Variants in TRABD2A observed in about 807,000 individuals in gnomAD.
TRABD2A encodes TraB domain containing 2A, also known as metalloprotease TIKI1.
In TRABD2A, 43 loss-of-function variants were observed where a neutral mutation model predicts 45.6. The observed-to-expected ratio is 0.94, with a 90% CI of 0.74 to 1.22. TRABD2A has a LOEUF of 1.22. Ranked by LOEUF, TRABD2A falls within the 50% of genes most tolerant of loss-of-function variation. The pLI, the probability that TRABD2A is intolerant of heterozygous loss-of-function variation, is 0.00. For missense variants in TRABD2A, 642 were observed against 652.4 expected, an observed-to-expected ratio of 0.98 and a Z score of 0.17; for synonymous variants, 269 against 265.0, an observed-to-expected ratio of 1.02 and a Z score of -0.15.
chr2:84,858,581 A>G (rs1682391831), intron 2 of TRABD2A, among the ~76,000 whole-genome samples: 1 of 152,212 alleles, frequency 6.6e-6, no homozygotes, highest in Non-Finnish European at 1.5e-5. Flanking sequence ...AACTGGGTTC[A>G]TGAGGATAGG....
At chr2:84,869,748 G>A (rs1682807394) in intron 2 of TRABD2A, among the ~76,000 whole-genome samples, 1 of 151,622 alleles carries the variant, frequency 6.6e-6, no homozygotes, top group Non-Finnish European at 1.5e-5. Context: ...GGGAGGCCGA[G>A]GCAGGCAGAT....
chr2:84,844,507 C>T (rs1681821301), intron 2 of TRABD2A, among the ~76,000 whole-genome samples: 2 of 152,152 alleles, frequency 1.3e-5, no homozygotes, highest in African/African-American at 4.8e-5. Flanking sequence ...AGTGTGAGAA[C>T]AGACTGGTAC....
At chr2:84,874,929 C>T (rs1399696786) in intron 1 of TRABD2A, 2 of 167,474 alleles carry the variant, frequency 1.2e-5, no homozygotes, top group Non-Finnish European at 2.6e-5. Flanking sequence ...TTGATGAGGT[C>T]GTCAACGTTG....
rs1214472252 is a variant in TRABD2A at position 84,845,187 on chromosome 2, C to A, written c.670-3180G>T. On this transcript the variant is annotated intron_variant, in intron 2 of 6. Coordinates refer to ENST00000409520, the MANE Select transcript of TRABD2A (RefSeq NM_001277053.2). ...CCAACATGGTAAAACCCTGTCTCTA[C>A]TAAAAATACAAAAATTAGCCAGGCA... 2.0e-5 allele frequency among the ~76,000 whole-genome samples: 3 copies of A among 152,220 alleles called. 1 individual carries two copies. Among genetic ancestry groups the A allele is most frequent in the Middle Eastern group, 3.4e-3 (1 of 294 alleles).
rs1410065891 is a variant in TRABD2A, at chr2:84,841,939, G to C, written c.738C>G (p.Pro246=). The part of the protein sequence containing the change: ...ESLRAGSLQI[P]YTTEDLIKHY... The stretch of plus-strand genomic sequence containing the variant: ...GTTTGATGAGATCCTCCGTCGTGTA[G>C]GGGATCTGAAGACTGCCTGCTCGCA... Residue 246 remains proline, a synonymous_variant, in exon 3 of 7, where the codon CCC becomes CCG. Transcript: ENST00000409520. The C allele has an allele frequency of 1.3e-6, 2 of 1,548,626 alleles. No individual in the cohort carries two copies. Among genetic ancestry groups the C allele is most frequent in the African/African-American group, 1.4e-5 (1 of 72,990 alleles).
chr2:84,863,239 C>CTTTTTTTTTTTTTTT lies in TRABD2A; in HGVS notation c.669+6971_669+6985dup, dbSNP rs773927512. 3.0e-4 allele frequency among the ~76,000 whole-genome samples: 29 copies of CTTTTTTTTTTTTTTT among 98,132 alleles called. 5 individuals are homozygous for CTTTTTTTTTTTTTTT. The highest frequency in any genetic ancestry group is 1.1e-3 in the African/African-American group (26 of 22,660). The allele number at this position is 98,132 out of a possible 152,430, so 64.4% of individuals were successfully genotyped here. A position where few individuals can be genotyped will look rare whatever the true frequency, so the allele number is the denominator to read the frequency against. On this transcript the variant is annotated intron_variant, in intron 2 of 6. Coordinates refer to ENST00000409520, the MANE Select transcript of TRABD2A (RefSeq NM_001277053.2). ...CCAAAAGGTTAGACTTCATGTGAAT[C>CTTTTTTTTTTTTTTT]TTTTTTTTTTTTTTTTTTTTTTTGA...
At chr2:84,879,385 T>G (rs1301313194) in intron 1 of TRABD2A, among the ~76,000 whole-genome samples, 1 of 152,146 alleles carries the variant, frequency 6.6e-6, no homozygotes, top group East Asian at 1.9e-4. Flanking sequence ...TCTCGCCATG[T>G]TGGCCAGGCT....
chr2:84,854,183 A>G (rs1682193892), intron 2 of TRABD2A, among the ~76,000 whole-genome samples: 1 of 152,126 alleles, frequency 6.6e-6, no homozygotes, highest in Admixed American at 6.5e-5. Flanking sequence ...CAGAGATGAC[A>G]AAGTATTTGG....
chr2:84,876,459 G>A (rs1683030149), intron 1 of TRABD2A, among the ~76,000 whole-genome samples: 1 of 152,242 alleles, frequency 6.6e-6, no homozygotes, highest in African/African-American at 2.4e-5. Flanking sequence ...GGAGCAGAAA[G>A]TAAGCAAGCG....
intron 3 of TRABD2A, 81 bp from the exon 4 acceptor site, chr2:84,839,404 C>A: frequency 2.2e-6 from 3 of 1,348,842 alleles, no homozygotes; most frequent in Non-Finnish European, 2.0e-6. Context: ...TCAAATCCCC[C>A]AACCTAGATG....
intron 2 of TRABD2A, among the ~76,000 whole-genome samples, chr2:84,864,677 A>C (rs1203185756): frequency 6.6e-6 from 1 of 152,056 alleles, no homozygotes; most frequent in Non-Finnish European, 1.5e-5. Flanking sequence ...GACCCCCCAC[A>C]ATCTTGCCTT....
At chr2:84,845,233 C>T (rs575910456) in intron 2 of TRABD2A, among the ~76,000 whole-genome samples, 4 of 152,286 alleles carry the variant, frequency 2.6e-5, no homozygotes, top group Admixed American at 1.3e-4. Context: ...TGCCTGTAAT[C>T]CCAGCTACTT....
At chr2:84,851,792 G>A (rs1027486397) in intron 2 of TRABD2A, among the ~76,000 whole-genome samples, 2 of 152,228 alleles carry the variant, frequency 1.3e-5, no homozygotes, top group African/African-American at 2.4e-5. Flanking sequence ...GAACTGTAAT[G>A]GTGCTCTGCT....
Position 84,839,152 on chromosome 2 carries a change from C to T in TRABD2A, c.988G>A (p.Ala330Thr). Reference protein sequence around the residue: ...PDKGFFFAFGAGHFMGNNTVL... With the variant: ...PDKGFFFAFGTGHFMGNNTVL... ...TCAGAGGTGACCCACTACTCACCAG[C>T]TCCAAAGGCAAAGAAGAAGCCTTTG... is the stretch of plus-strand genomic sequence containing the variant. The change falls in exon 4 of 7, where the codon GCT (alanine) becomes ACT (threonine). Residue 330 changes from alanine to threonine, a missense_variant. Coordinates refer to ENST00000409520, the MANE Select transcript of TRABD2A (RefSeq NM_001277053.2). The T allele has an allele frequency of 6.2e-7, 1 of 1,613,914 alleles. No homozygotes were observed. The highest frequency in any genetic ancestry group is 8.5e-7 in the Non-Finnish European group (1 of 1,179,864).
chr2:84,872,776 C>T (rs972791766), intron 1 of TRABD2A, among the ~76,000 whole-genome samples: 3 of 152,324 alleles, frequency 2.0e-5, no homozygotes, highest in Non-Finnish European at 4.4e-5. Flanking sequence ...ACATTTTCAT[C>T]AATTGATCAA....
chr2:84,854,226 T>G (rs1292688372), intron 2 of TRABD2A, among the ~76,000 whole-genome samples: 1 of 152,098 alleles, frequency 6.6e-6, no homozygotes, highest in Non-Finnish European at 1.5e-5. Context: ...CAAATGCAAC[T>G]TGCCATTTTA....
chr2:84,864,853 AC>A (rs949321590), intron 2 of TRABD2A, among the ~76,000 whole-genome samples: 1 of 151,838 alleles, frequency 6.6e-6, no homozygotes, highest in African/African-American at 2.4e-5. Context: ...AAAGAATCTG[AC>A]CCCTTCCTCC....
chr2:84,880,053 C>G (rs907320915), intron 1 of TRABD2A, among the ~76,000 whole-genome samples: 2 of 151,348 alleles, frequency 1.3e-5, no homozygotes, highest in African/African-American at 4.9e-5. Context: ...ATGGCCCTCT[C>G]CAGAGCCAGG....
At chr2:84,852,371 G>T (rs1200069685) in intron 2 of TRABD2A, among the ~76,000 whole-genome samples, 1 of 152,142 alleles carries the variant, frequency 6.6e-6, no homozygotes, top group Non-Finnish European at 1.5e-5. Context: ...ATGACCATGC[G>T]GTGGGGGATG....
Sources: gnomAD v4.1 joint callset for allele counts (sites outside exome capture counted in the v4.1 genomes callset) on GRCh38, gnomAD v4.1.1 for gene constraint, MANE v1.5 for transcripts, NCBI Gene and HGNC (gene_info 2026-07-23, HGNC 2026-07-21) for gene names.